Variants in SPECC1 observed in about 807,000 individuals in gnomAD.
The protein encoded by SPECC1 is cytospin-B.
Under a neutral mutation model 104.1 loss-of-function variants are expected in SPECC1, and 62 were observed. The ratio of observed to expected loss-of-function variants is 0.60; its 90% CI spans 0.49 to 0.74. SPECC1 has a LOEUF of 0.74. SPECC1 is among the 30% of genes least tolerant of loss of function. SPECC1 has a pLI of 0.00. For missense variants in SPECC1, 1,306 were observed against 1,310.5 expected, an observed-to-expected ratio of 1.00 and a Z score of 0.05; for synonymous variants, 513 against 501.6, an observed-to-expected ratio of 1.02 and a Z score of -0.30.
In SPECC1 at chr17:20,297,056, G is replaced by A. The variant is rs1376756326; in HGVS notation, c.3036G>A (p.Gln1012=). The stretch of plus-strand genomic sequence containing the variant: ...ACCTGCCTGCCCACATCCCCTACCA[G>A]GAGCTGAATAGTCAGGAGAAAGTAA... ...HTYLPAHIPY[Q]ELNSQEKKRN... Residue 1012 remains glutamine (Q), a synonymous_variant, in exon 13 of 15, where the codon CAG becomes CAA. Coordinates refer to ENST00000395527, the MANE Select transcript of SPECC1 (RefSeq NM_001243439.2). The A allele has an allele frequency of 6.2e-7, 1 of 1,614,104 alleles. No individual in the cohort carries two copies.
At chr17:20,135,958 A>G (rs2029911189) in intron 3 of SPECC1, among the ~76,000 whole-genome samples, 1 of 152,160 alleles carries the variant, frequency 6.6e-6, no homozygotes, top group South Asian at 2.1e-4. Flanking sequence ...CCTACCAACT[A>G]CAACCATTCC....
Position 20,222,842 on chromosome 17 carries a change from T to C in SPECC1, c.1864-4571T>C, listed in dbSNP as rs2037969880. Among the ~76,000 whole-genome samples the C allele has an allele frequency of 2.6e-5, 4 of 152,204 alleles. No individual in the cohort carries two copies. In the South Asian group the frequency reaches 8.3e-4, roughly 32 times the overall value. Reference sequence around the variant, plus strand: ...TTTTGTTTGTCTGGGAAAGTCTCTATTTCTCTGTCATGTTTGACATTTTTT... The same window carrying C: ...TTTTGTTTGTCTGGGAAAGTCTCTACTTCTCTGTCATGTTTGACATTTTTT... On this transcript the variant is annotated intron_variant, in intron 4 of 14. Transcript: ENST00000395527.
chr17:20,143,040 T>C (rs2031016194), intron 3 of SPECC1, among the ~76,000 whole-genome samples: 1 of 151,812 alleles, frequency 6.6e-6, no homozygotes, highest in African/African-American at 2.4e-5. Flanking sequence ...TTATGTTACA[T>C]ATATTTTACC....
intron 1 of SPECC1, among the ~76,000 whole-genome samples, chr17:20,082,827 G>A (rs2047026299): frequency 6.6e-6 from 1 of 152,038 alleles, no homozygotes. Flanking sequence ...GGGAGTGGCG[G>A]GGAGGGACAC....
chr17:20,109,528 T>C (rs2048380275), intron 2 of SPECC1, among the ~76,000 whole-genome samples: 1 of 152,338 alleles, frequency 6.6e-6, no homozygotes, highest in Admixed American at 6.5e-5. Flanking sequence ...CAGCACCTTT[T>C]AGCAAATGTT....
At chr17:20,181,753 G>A (rs1469725563) in intron 3 of SPECC1, among the ~76,000 whole-genome samples, 1 of 151,592 alleles carries the variant, frequency 6.6e-6, no homozygotes, top group Non-Finnish European at 1.5e-5. Flanking sequence ...GCATTGGAAC[G>A]TGAAAAAAAA....
At chr17:20,220,887 AG>A (rs2037833102) in intron 4 of SPECC1, among the ~76,000 whole-genome samples, 1 of 152,140 alleles carries the variant, frequency 6.6e-6, no homozygotes, top group Non-Finnish European at 1.5e-5. Flanking sequence ...TTTATCATGA[AG>A]GGATGTTGCA....
intron 4 of SPECC1, among the ~76,000 whole-genome samples, chr17:20,224,501 G>A (rs1379392296): frequency 6.6e-6 from 1 of 152,196 alleles, no homozygotes; most frequent in African/African-American, 2.4e-5. Flanking sequence ...GGAGTCAGCA[G>A]CTTTAGCAGT....
chr17:20,311,471 A>G (rs1455822247), intron 14 of SPECC1, among the ~76,000 whole-genome samples: 5 of 151,420 alleles, frequency 3.3e-5, no homozygotes, highest in African/African-American at 1.2e-4. Context: ...GCTCACTGCA[A>G]CCTCTGCCTC....
chr17:20,055,835 C>T (rs773063233), intron 1 of SPECC1, among the ~76,000 whole-genome samples: 2 of 152,208 alleles, frequency 1.3e-5, no homozygotes, highest in East Asian at 1.9e-4. Flanking sequence ...GGGCCCCCTC[C>T]GTTCTGACTG....
At chr17:20,282,588 T>C (rs758215571) in intron 12 of SPECC1, among the ~76,000 whole-genome samples, 5 of 152,124 alleles carry the variant, frequency 3.3e-5, no homozygotes, top group Non-Finnish European at 7.3e-5. Flanking sequence ...CCAAAAAAGT[T>C]TAGAGAAAGA....
chr17:20,016,525 C>T (rs1567794146), intron 1 of SPECC1, among the ~76,000 whole-genome samples: 1 of 152,156 alleles, frequency 6.6e-6, no homozygotes, highest in Non-Finnish European at 1.5e-5. Context: ...CGTGAGTTCC[C>T]GGTGGGCGTG....
At chr17:20,118,754 A>G (rs2048885231) in intron 3 of SPECC1, among the ~76,000 whole-genome samples, 1 of 152,252 alleles carries the variant, frequency 6.6e-6, no homozygotes, top group Admixed American at 6.5e-5. Flanking sequence ...ATATGCATAC[A>G]TTGCTATACA....
chr17:20,270,475 C>G (rs1045221093), intron 12 of SPECC1, among the ~76,000 whole-genome samples: 5 of 141,532 alleles, frequency 3.5e-5, no homozygotes, highest in African/African-American at 1.3e-4. Flanking sequence ...AAACATTAGC[C>G]GGCTACGATG....
intron 3 of SPECC1, among the ~76,000 whole-genome samples, chr17:20,201,359 G>A (rs1380435536): frequency 1.3e-5 from 2 of 152,038 alleles, no homozygotes; most frequent in South Asian, 2.1e-4. Context: ...GCTCGCGCCT[G>A]TAGTTCCAGC....
chr17:20,112,933 G>GT, intron 3 of SPECC1: 2 of 1,483,428 alleles, frequency 1.3e-6, no homozygotes, highest in East Asian at 4.5e-5. Context: ...CCAACATGAA[G>GT]GGAGCTAGAT....
At chr17:20,310,654 A>G (rs1043824918) in intron 14 of SPECC1, among the ~76,000 whole-genome samples, 3 of 152,206 alleles carry the variant, frequency 2.0e-5, no homozygotes, top group African/African-American at 7.2e-5. Context: ...TTACCAGGCC[A>G]TGTAGTCCAT....
chr17:20,313,776 G>T (rs1005923090), intron 14 of SPECC1, among the ~76,000 whole-genome samples, 200 bp from the exon 15 acceptor site: 3 of 152,240 alleles, frequency 2.0e-5, no homozygotes, highest in African/African-American at 7.2e-5. Context: ...TTTGGAAAGG[G>T]ACAGTATCTC....
intron 11 of SPECC1, among the ~76,000 whole-genome samples, 179 bp downstream of exon 11, chr17:20,257,786 C>T (rs143761192): frequency 1.3e-4 from 20 of 152,250 alleles, no homozygotes; most frequent in Admixed American, 5.9e-4. Flanking sequence ...AGTAGTAGTG[C>T]GCAAAATGGA....
Sources: allele counts gnomAD v4.1 joint callset (sites outside exome capture counted in the v4.1 genomes callset), GRCh38; gene constraint gnomAD v4.1.1; transcripts MANE v1.5; gene names NCBI Gene and HGNC (gene_info 2026-07-23, HGNC 2026-07-21).